The following SDCCAG8 variants were observed in gnomAD, a reference collection of about 807,000 sequenced individuals.
SDCCAG8 encodes serologically defined colon cancer antigen 8.
A neutral mutation model predicts 101.8 loss-of-function variants in SDCCAG8; 74 were observed. The observed-to-expected ratio is 0.73, with a 90% CI of 0.60 to 0.88. SDCCAG8 has a LOEUF of 0.88. Among genes scored for constraint, SDCCAG8 ranks in the 40% least tolerant of loss-of-function variants. The pLI, the probability that SDCCAG8 is intolerant of heterozygous loss-of-function variation, is 0.00. For synonymous variants in SDCCAG8, 281 were observed against 292.9 expected, an observed-to-expected ratio of 0.96 and a Z score of 0.41; for missense variants, 787 against 822.6, an observed-to-expected ratio of 0.96 and a Z score of 0.53.
intron 17 of SDCCAG8, among the ~76,000 whole-genome samples, chr1:243,495,528 C>A (rs1486820637): frequency 6.6e-6 from 1 of 152,148 alleles, no homozygotes; most frequent in Non-Finnish European, 1.5e-5. Context: ...AACCGTGAGC[C>A]CCCGCCTGCT....
At chr1:243,302,965 A>G (rs536352157) in intron 6 of SDCCAG8, among the ~76,000 whole-genome samples, 1 of 152,360 alleles carries the variant, frequency 6.6e-6, no homozygotes, top group Middle Eastern at 3.4e-3. Context: ...CCTGCTGGAG[A>G]AAACTTTGTC....
chr1:243,377,940 A>G (rs1209992535), intron 12 of SDCCAG8, among the ~76,000 whole-genome samples: 1 of 150,762 alleles, frequency 6.6e-6, no homozygotes, highest in Non-Finnish European at 1.5e-5. Flanking sequence ...TTCTACTTTA[A>G]TATATAAATT....
chr1:243,290,953 C>T (rs1195491861), intron 5 of SDCCAG8, among the ~76,000 whole-genome samples: 1 of 152,174 alleles, frequency 6.6e-6, no homozygotes, highest in Non-Finnish European at 1.5e-5. Context: ...TGATCTTGCT[C>T]ATTTTTGTCC....
chr1:243,461,542 C>T (rs1359506310), intron 16 of SDCCAG8, among the ~76,000 whole-genome samples: 1 of 152,142 alleles, frequency 6.6e-6, no homozygotes, highest in Non-Finnish European at 1.5e-5. Context: ...TTCAGAAGTC[C>T]ATTTTCTTCA....
chr1:243,344,478 T>C (rs761924022), intron 12 of SDCCAG8, 147 bp downstream of exon 12: 8 of 700,010 alleles, frequency 1.1e-5, no homozygotes, highest in Admixed American at 4.9e-5. Context: ...AAAATTTCTT[T>C]TATAGTTGCC....
chr1:243,381,525 C>G (rs1538774), intron 13 of SDCCAG8, among the ~76,000 whole-genome samples: 117,999 of 151,880 alleles, frequency 0.78, 45,922 homozygotes, highest in East Asian at 0.97. Context: ...GAGGTTCAAG[C>G]CTGCTGTGAG....
At chr1:243,473,626 T>G (rs1661678963) in intron 16 of SDCCAG8, among the ~76,000 whole-genome samples, 1 of 152,172 alleles carries the variant, frequency 6.6e-6, no homozygotes, top group South Asian at 2.1e-4. Context: ...ATTAATATAC[T>G]GATTATTCTG....
intron 16 of SDCCAG8, among the ~76,000 whole-genome samples, chr1:243,428,160 A>G (rs1407246818): frequency 1.3e-5 from 2 of 152,322 alleles, no homozygotes; most frequent in Admixed American, 6.5e-5. Context: ...CCTTGAAGCA[A>G]CCTTGAAAGT....
At chr1:243,442,579 C>T (rs1402731791) in intron 16 of SDCCAG8, among the ~76,000 whole-genome samples, 1 of 151,422 alleles carries the variant, frequency 6.6e-6, no homozygotes, top group Non-Finnish European at 1.5e-5. Context: ...CCCTGATTTT[C>T]ATAGATAACC....
chr1:243,486,402 C>T (rs1664845405), intron 16 of SDCCAG8, among the ~76,000 whole-genome samples: 1 of 152,040 alleles, frequency 6.6e-6, no homozygotes, highest in Admixed American at 6.6e-5. Flanking sequence ...CAGCTGGTCC[C>T]CTGCTGTCTT....
At chr1:243,386,322 A>G (rs1287670519) in intron 13 of SDCCAG8, among the ~76,000 whole-genome samples, 1 of 152,208 alleles carries the variant, frequency 6.6e-6, no homozygotes, top group Non-Finnish European at 1.5e-5. Context: ...ATTCTATGTA[A>G]ATTACTAGAG....
chr1:243,494,087 A>C (rs897104891), intron 17 of SDCCAG8, among the ~76,000 whole-genome samples: 4 of 152,310 alleles, frequency 2.6e-5, no homozygotes, highest in East Asian at 1.9e-4. Flanking sequence ...GCTACCTGTA[A>C]GACAGATGGC....
At chr1:243,302,770 T>A (rs1032912678) in intron 6 of SDCCAG8, among the ~76,000 whole-genome samples, 1 of 152,190 alleles carries the variant, frequency 6.6e-6, no homozygotes, top group African/African-American at 2.4e-5. Flanking sequence ...CCTCAAGATC[T>A]AGGCAGTCAT....
At chr1:243,306,191 G>A (rs916280536) in intron 7 of SDCCAG8, 1 of 151,092 alleles carries the variant, frequency 6.6e-6, no homozygotes, top group Non-Finnish European at 1.5e-5. Context: ...ACCCTGATTA[G>A]TTTTAGGATT....
chr1:243,288,041 A>T (rs1477763330), intron 5 of SDCCAG8, among the ~76,000 whole-genome samples: 1 of 152,238 alleles, frequency 6.6e-6, no homozygotes, highest in African/African-American at 2.4e-5. Flanking sequence ...ATGTGAGCTA[A>T]ATATAATGCA....
chr1:243,377,826 C>T (rs1573665021), intron 12 of SDCCAG8, among the ~76,000 whole-genome samples: 1 of 8,842 alleles, frequency 1.1e-4, no homozygotes. Context: ...TGTTTCTGCC[C>T]TTTCTTTTTT....
chr1:243,390,025 G>T (rs1157471696), intron 13 of SDCCAG8, among the ~76,000 whole-genome samples: 1 of 152,106 alleles, frequency 6.6e-6, no homozygotes, highest in Non-Finnish European at 1.5e-5. Context: ...ACAAAAAGTT[G>T]GGGGGAACTC....
Position 243,348,722 on chromosome 1 carries a change from C to G in SDCCAG8, c.1473+4391C>G, listed in dbSNP as rs534649258. Among the ~76,000 whole-genome samples the G allele has an allele frequency of 2.0e-5, 3 of 151,814 alleles. No homozygotes were observed. The South Asian group carries it at 6.2e-4, about 32-fold the overall frequency. ...GGCGTGGTGGCTCACGCCTGTAATC[C>G]CAGCGCTTTGGGAGGCCGAGGTGGC... On this transcript the variant is annotated intron_variant, in intron 12 of 17. Transcript: ENST00000366541.
intron 16 of SDCCAG8, among the ~76,000 whole-genome samples, chr1:243,432,004 A>G (rs893931812): frequency 6.6e-6 from 1 of 152,218 alleles, no homozygotes; most frequent in Non-Finnish European, 1.5e-5. Flanking sequence ...TATAAACTAG[A>G]TTCAGGATGA....
Sources: gnomAD v4.1 joint callset for allele counts (sites outside exome capture counted in the v4.1 genomes callset) on GRCh38, gnomAD v4.1.1 for gene constraint, MANE v1.5 for transcripts, NCBI Gene and HGNC (gene_info 2026-07-23, HGNC 2026-07-21) for gene names.